Variants in NF1 observed in about 807,000 individuals in gnomAD.
NF1 encodes neurofibromin.
A neutral mutation model predicts 325.7 loss-of-function variants in NF1; 122 were observed. That is an observed-to-expected ratio of 0.37 (90% CI 0.32 to 0.44). The LOEUF is 0.44. Among genes scored for constraint, NF1 ranks in the 20% least tolerant of loss-of-function variants. The pLI, the probability that NF1 is intolerant of heterozygous loss-of-function variation, is 1.00. For missense variants in NF1, 2,140 were observed against 3,415.4 expected (o/e 0.63, Z 9.31); for synonymous variants, 1,091 against 1,186.0 (o/e 0.92, Z 1.65).
Position 31,225,099 on chromosome 17 carries a change from C to T in NF1, c.1850C>T (p.Ala617Val), listed in dbSNP as rs1461412558. 6.2e-7 allele frequency: 1 copy of T among 1,613,386 alleles called. No homozygotes were observed. The highest frequency in any genetic ancestry group is 1.7e-5 in the Admixed American group (1 of 60,002). ...RNKFLLKNKQ[A>V]DRSSCHFLLF... ...TATTTATTTATTTTTTTCTAGCAGG[C>T]AGATAGAAGTTCCTGTCACTTTCTC... The change falls in exon 17 of 58, where the codon GCA becomes GTA. Residue 617 changes from alanine to valine, a missense_variant. Physicochemically the swap from Ala to Val is moderately conservative, Grantham distance 64. This residue lies in a region of NF1 where 45 missense variants were observed against 42.5 expected (regional missense o/e 1.06). Coordinates refer to ENST00000358273, the MANE Select transcript of NF1 (RefSeq NM_001042492.3).
intron 51 of NF1, chr17:31,356,141 A>G (rs574511907): frequency 6.8e-6 from 2 of 292,584 alleles, no homozygotes; most frequent in South Asian, 3.8e-5. Flanking sequence ...AATGCCTACC[A>G]TTGCATTTAT....
At chr17:31,126,924 T>A (rs1479028100) in intron 1 of NF1, among the ~76,000 whole-genome samples, 1 of 152,232 alleles carries the variant, frequency 6.6e-6, no homozygotes. Context: ...TAAAAGTTGT[T>A]TGCTTTTCAC....
intron 1 of NF1, chr17:31,137,236 A>C (rs565859303): frequency 6.6e-6 from 1 of 152,292 alleles, no homozygotes; most frequent in South Asian, 2.1e-4. Flanking sequence ...TAACAGTTCT[A>C]AAAAGCCATT....
intron 3 of NF1, among the ~76,000 whole-genome samples, chr17:31,162,947 G>A (rs572990602): frequency 6.6e-6 from 1 of 152,282 alleles, no homozygotes; most frequent in South Asian, 2.1e-4. Context: ...GGTAAGGATG[G>A]CAGGGGGATT....
At position 31,236,031 on chromosome 17, in the gene NF1, CT is replaced by C. The variant is rs2067196116; in HGVS notation, c.3974+14del. On this transcript the variant is annotated intron_variant, in intron 29 of 57. Transcript: ENST00000358273. ...AAGTGGATCCTACCAGGTTTGTCAT[CT>C]TTTCACATAGAACCGCTGTTTTTTG... 3 of 1,587,674 alleles carry C rather than the reference CT, an allele frequency of 1.9e-6. No individual in the cohort carries two copies. The highest frequency in any genetic ancestry group is 2.6e-6 in the Non-Finnish European group (3 of 1,161,678).
intron 2 of NF1, among the ~76,000 whole-genome samples, chr17:31,157,308 T>A (rs2065681898): frequency 6.6e-6 from 1 of 152,136 alleles, no homozygotes; most frequent in Non-Finnish European, 1.5e-5. Context: ...AATCCCAGTT[T>A]GTATTTGTTT....
At chr17:31,219,457 G>C (rs2066884434) in intron 14 of NF1, 1 of 151,878 alleles carries the variant, frequency 6.6e-6, no homozygotes, top group Admixed American at 6.6e-5. Flanking sequence ...CCTCAATTTG[G>C]CCATTTTAAG....
chr17:31,374,653 T>C lies in NF1; in HGVS notation c.*498T>C. On this transcript the variant is annotated 3_prime_UTR_variant, in exon 58 of 58. Coordinates refer to ENST00000358273, the MANE Select transcript of NF1 (RefSeq NM_001042492.3). ...TATGTTTAATCTTTTAGCTGTGGAC[T>C]TTTTTTTTAACCGTACAAAACTGAA... The C allele has an allele frequency of 4.3e-6, 1 of 232,556 alleles. No homozygotes were observed. The allele number at this position is 232,556 out of a possible 1,614,324, so 14.4% of individuals were successfully genotyped here.
At chr17:31,140,460 A>G (rs1414547463) in intron 1 of NF1, among the ~76,000 whole-genome samples, 1 of 152,218 alleles carries the variant, frequency 6.6e-6, no homozygotes, top group Non-Finnish European at 1.5e-5. Flanking sequence ...ATCCCTAGCA[A>G]GTAATTTTAT....
chr17:31,096,250 G>T lies in NF1; in HGVS notation c.60+881G>T, dbSNP rs17885094. 3.6e-3 allele frequency among the ~76,000 whole-genome samples: 540 copies of T among 151,168 alleles called. 6 individuals are homozygous for T. Among genetic ancestry groups the T allele is most frequent in the African/African-American group, 0.012 (513 of 41,260 alleles). ...AGTGAGAAACTGCTTCAGAGCCACC[G>T]ACAACAGAGCAAAGCCAGCTGGGAT... On this transcript the variant is annotated intron_variant, in intron 1 of 57. Coordinates refer to ENST00000358273, the MANE Select transcript of NF1 (RefSeq NM_001042492.3).
At chr17:31,120,786 T>C (rs1242856885) in intron 1 of NF1, among the ~76,000 whole-genome samples, 3 of 143,222 alleles carry the variant, frequency 2.1e-5, no homozygotes, top group East Asian at 4.1e-4. Context: ...TTAAAGTATT[T>C]AAAAAAAAAA....
rs878853913 is a variant in NF1 at position 31,349,195 on chromosome 17, AAC to A, written c.7269_7270del (p.His2423GlnfsTer4). 1 of 1,613,676 alleles carries A rather than the reference AAC, an allele frequency of 6.2e-7. No homozygotes were observed. The highest frequency in any genetic ancestry group is 8.5e-7 in the Non-Finnish European group (1 of 1,179,800). ...CATACACTACTAACTCTGGTTAACA[AAC>A]ACAGAAATTGTGACAAATTTGAAGT... On this transcript the variant is annotated frameshift_variant, in exon 49 of 58. Transcript: ENST00000358273. LOFTEE classifies it high-confidence loss of function.
intron 29 of NF1, among the ~76,000 whole-genome samples, chr17:31,245,038 G>A (rs942973462): frequency 1.3e-5 from 2 of 152,180 alleles, no homozygotes; most frequent in Non-Finnish European, 2.9e-5. Flanking sequence ...CATGTGGGAA[G>A]CAAGAGAGCA....
At chr17:31,304,871 C>T (rs2068667263) in intron 36 of NF1, 1 of 1,614,012 alleles carries the variant, frequency 6.2e-7, no homozygotes, top group Non-Finnish European at 8.5e-7. Context: ...GGGGTTTCTC[C>T]ATCAGCAAAT....
Position 31,181,438 on chromosome 17 carries a change from T to C in NF1, c.603T>C (p.Phe201=), listed in dbSNP as rs1597658060. ...KRLLKETAFK[F]KALKKVAQLA... ...TTTTTCCAGAAACAGCATTTAAATT[T>C]AAAGCCCTAAAGAAGGTTGCGCAGT... The change falls in exon 6 of 58, where the codon TTT becomes TTC. Residue 201 remains phenylalanine (F), a synonymous_variant. Coordinates refer to ENST00000358273, the MANE Select transcript of NF1 (RefSeq NM_001042492.3). The C allele has an allele frequency of 6.2e-7, 1 of 1,613,416 alleles. No homozygotes were observed.
chr17:31,125,500 T>C (rs575674354), intron 1 of NF1, among the ~76,000 whole-genome samples: 1 of 152,216 alleles, frequency 6.6e-6, no homozygotes, highest in Admixed American at 6.5e-5. Context: ...TTAGCTTTAC[T>C]AAGTAATGCC....
chr17:31,140,013 T>C (rs1916102885), intron 1 of NF1, among the ~76,000 whole-genome samples: 1 of 152,178 alleles, frequency 6.6e-6, no homozygotes. Flanking sequence ...AGAGGCGGTG[T>C]AACATACCAG....
At chr17:31,342,508 C>G (rs1206593947) in intron 47 of NF1, among the ~76,000 whole-genome samples, 3 of 152,094 alleles carry the variant, frequency 2.0e-5, no homozygotes, top group African/African-American at 4.8e-5. Flanking sequence ...GTGGGAAGAT[C>G]TCTTGAACCC....
At position 31,327,854 on chromosome 17, in the gene NF1, ATTCTC is replaced by A. The variant is rs1010067969; in HGVS notation, c.5609+19_5609+23del. On this transcript the variant is annotated intron_variant, in intron 38 of 57. Coordinates refer to ENST00000358273, the MANE Select transcript of NF1 (RefSeq NM_001042492.3). ...CCGAGTTTACGGTAGGTTTTTTAAA[ATTCTC>A]TTCAGTTTGATTTGGGGTTTGTTGC... 2.5e-6 allele frequency: 4 copies of A among 1,609,748 alleles called. No individual in the cohort carries two copies. The highest frequency in any genetic ancestry group is 3.4e-6 in the Non-Finnish European group (4 of 1,176,676).
Sources: allele counts gnomAD v4.1 joint callset (sites outside exome capture counted in the v4.1 genomes callset), GRCh38; gene constraint gnomAD v4.1.1; regional missense constraint gnomAD v4.1.1; transcripts MANE v1.5; gene names NCBI Gene and HGNC (gene_info 2026-07-23, HGNC 2026-07-21).